Variants in TMEM232 observed in about 807,000 individuals in gnomAD.
TMEM232 encodes transmembrane protein 232.
TMEM232 carries 80 observed loss-of-function variants against 78.8 expected under a neutral mutation model. That is an observed-to-expected ratio of 1.01 (90% CI 0.85 to 1.22). The LOEUF (loss-of-function observed/expected upper bound fraction) is 1.22. TMEM232 is among the 50% of genes most tolerant of loss of function. The pLI, the probability that TMEM232 is intolerant of heterozygous loss-of-function variation, is 0.00. For synonymous variants in TMEM232, 297 were observed against 254.3 expected (o/e 1.17, Z -1.60); for missense variants, 881 against 742.2 (o/e 1.19, Z -2.17).
At chr5:110,509,724 A>G (rs1293402603) in intron 12 of TMEM232, among the ~76,000 whole-genome samples, 2 of 152,148 alleles carry the variant, frequency 1.3e-5, no homozygotes, top group Admixed American at 6.6e-5. Context: ...CTTTAGAAAT[A>G]TCGTACACAC....
chr5:110,536,679 C>A (rs557653888), intron 11 of TMEM232, among the ~76,000 whole-genome samples: 11 of 152,080 alleles, frequency 7.2e-5, no homozygotes, highest in African/African-American at 2.7e-4. Flanking sequence ...ACAAAAGGAA[C>A]CCACCTAGCT....
intron 2 of TMEM232, among the ~76,000 whole-genome samples, chr5:110,644,037 T>C (rs114750879): frequency 0.019 from 2,947 of 152,042 alleles, 86 homozygotes; most frequent in African/African-American, 0.068. Context: ...GCGGATACAG[T>C]AGCAAAAAAG....
intron 2 of TMEM232, among the ~76,000 whole-genome samples, chr5:110,410,678 C>T (rs751151813): frequency 5.3e-5 from 8 of 152,148 alleles, no homozygotes; most frequent in South Asian, 4.1e-4. Flanking sequence ...TTGAGAACTA[C>T]GTGCCAGGTA....
At chr5:110,575,449 AAC>A (rs1777467218) in intron 10 of TMEM232, among the ~76,000 whole-genome samples, 2 of 152,076 alleles carry the variant, frequency 1.3e-5, no homozygotes, top group African/African-American at 4.8e-5. Flanking sequence ...GAATTTGCTT[AAC>A]TTGAAATTTC....
intron 8 of TMEM232, among the ~76,000 whole-genome samples, chr5:110,607,900 T>G (rs781682128): frequency 6.6e-6 from 1 of 151,940 alleles, no homozygotes; most frequent in African/African-American, 2.4e-5. Flanking sequence ...AAAAATCACC[T>G]GCTATACATG....
chr5:110,556,589 T>C (rs1345372496), intron 11 of TMEM232, among the ~76,000 whole-genome samples: 1 of 152,042 alleles, frequency 6.6e-6, no homozygotes, highest in Non-Finnish European at 1.5e-5. Context: ...GAGTTTTGCA[T>C]TGTTGCCCAG....
intron 12 of TMEM232, among the ~76,000 whole-genome samples, chr5:110,481,057 T>A (rs1256666771): frequency 6.6e-6 from 1 of 152,124 alleles, no homozygotes; most frequent in Non-Finnish European, 1.5e-5. Flanking sequence ...AATGATTTGA[T>A]AAACAGATAT....
intron 12 of TMEM232, among the ~76,000 whole-genome samples, chr5:110,478,837 GT>G (rs1744603001): frequency 6.7e-6 from 1 of 148,966 alleles, no homozygotes; most frequent in South Asian, 2.1e-4. Context: ...GCAGTGTTTT[GT>G]CTATGCATTG....
chr5:110,677,467 G>A (rs532434479), intron 1 of TMEM232, among the ~76,000 whole-genome samples: 10 of 152,076 alleles, frequency 6.6e-5, no homozygotes, highest in African/African-American at 2.2e-4. Flanking sequence ...AATTTGTTTC[G>A]GTAGCAATAG....
intron 11 of TMEM232, among the ~76,000 whole-genome samples, chr5:110,537,825 T>G (rs1157554710): frequency 6.6e-6 from 1 of 152,278 alleles, no homozygotes; most frequent in Non-Finnish European, 1.5e-5. Context: ...CCAGGAAATT[T>G]GCGGAAGCTT....
intron 12 of TMEM232, among the ~76,000 whole-genome samples, chr5:110,453,731 T>C (rs1760573590): frequency 6.6e-6 from 1 of 152,176 alleles, no homozygotes. Flanking sequence ...GGTATAAACC[T>C]TGGTTACCTC....
At chr5:110,611,811 G>A (rs542469093) in intron 8 of TMEM232, among the ~76,000 whole-genome samples, 29 of 152,186 alleles carry the variant, frequency 1.9e-4, no homozygotes, top group Middle Eastern at 3.4e-3. Context: ...AGCTACAATC[G>A]TCAAGAGACA....
At chr5:110,680,760 C>A (rs114437150) in intron 1 of TMEM232, among the ~76,000 whole-genome samples, 1,779 of 151,884 alleles carry the variant, frequency 0.012, 44 homozygotes, top group African/African-American at 0.04. Context: ...AATAACTGCA[C>A]TGACATTAAC....
At chr5:110,456,372 TA>T (rs546698907) in intron 12 of TMEM232, among the ~76,000 whole-genome samples, 1 of 151,830 alleles carries the variant, frequency 6.6e-6, no homozygotes, top group Non-Finnish European at 1.5e-5. Context: ...TGCAACAAAG[TA>T]AAAAAATTGA....
At chr5:110,493,282 A>C (rs533499182) in intron 12 of TMEM232, among the ~76,000 whole-genome samples, 1 of 151,998 alleles carries the variant, frequency 6.6e-6, no homozygotes, top group East Asian at 1.9e-4. Context: ...TAATAAATTT[A>C]ATGCAATTTA....
At chr5:110,547,886 T>C (rs1422250275) in intron 11 of TMEM232, among the ~76,000 whole-genome samples, 1 of 149,906 alleles carries the variant, frequency 6.7e-6, no homozygotes, top group Non-Finnish European at 1.5e-5. Context: ...TAGTCCCGGC[T>C]ACTCAGGAGT....
rs554392790 is a variant in TMEM232, at chr5:110,733,804, T to C, written c.-13+1099A>G. Among the ~76,000 whole-genome samples the C allele has an allele frequency of 2.0e-5, 3 of 152,308 alleles. 1 individual carries two copies. In the South Asian group the frequency reaches 6.2e-4, roughly 32 times the overall value. On this transcript the variant is annotated intron_variant, in intron 2 of 4. Coordinates refer to the TMEM232 transcript ENST00000512886. The stretch of plus-strand genomic sequence containing the variant: ...CTGTGACATAAATTTAGCTACATAA[T>C]AAACCTGCACATGTACCCTTGAACC...
rs115464207 is a variant in TMEM232 at position 110,664,059 on chromosome 5, G to A, written c.125+3169C>T. Among the ~76,000 whole-genome samples the A allele has an allele frequency of 2.0e-3, 309 of 152,130 alleles. 2 individuals carry two copies. The highest frequency in any genetic ancestry group is 7.0e-3 in the African/African-American group (292 of 41,512). On this transcript the variant is annotated intron_variant, in intron 2 of 13. Coordinates refer to ENST00000455884, the MANE Select transcript of TMEM232 (RefSeq NM_001039763.4). ...AGAGGCTGAAGCAGGAGGCTCTCTT[G>A]AGCCCAGGAATTCGAGGCTGCAGTG...
chr5:110,458,569 A>G (rs139609508), intron 12 of TMEM232, among the ~76,000 whole-genome samples: 1 of 152,246 alleles, frequency 6.6e-6, no homozygotes, highest in African/African-American at 2.4e-5. Flanking sequence ...AAGCCTAGCT[A>G]TAATCTAGGG....
Sources: gnomAD v4.1 joint callset for allele counts (sites outside exome capture counted in the v4.1 genomes callset) on GRCh38, gnomAD v4.1.1 for gene constraint, MANE v1.5 for transcripts, NCBI Gene and HGNC (gene_info 2026-07-23, HGNC 2026-07-21) for gene names.